Variants in CMSS1 observed in about 807,000 individuals in gnomAD.
CMSS1 encodes protein CMSS1.
In CMSS1, 33 loss-of-function variants were observed where a neutral mutation model predicts 43.5. The ratio of observed to expected loss-of-function variants is 0.76; its 90% CI spans 0.57 to 1.01. The LOEUF is 1.01. Among genes scored for constraint, CMSS1 ranks in the 50% least tolerant of loss-of-function variants. The pLI is 0.00. For synonymous variants in CMSS1, 115 were observed against 117.2 expected (o/e 0.98, Z 0.12); for missense variants, 313 against 326.4 (o/e 0.96, Z 0.32).
chr3:100,005,574 T>A (rs1344067647), intron 1 of CMSS1, among the ~76,000 whole-genome samples: 1 of 152,238 alleles, frequency 6.6e-6, no homozygotes, highest in Non-Finnish European at 1.5e-5. Flanking sequence ...TTTACAAGAA[T>A]AACCTTTTAA....
intron 1 of CMSS1, among the ~76,000 whole-genome samples, chr3:99,944,219 G>T (rs974838627): frequency 2.0e-5 from 3 of 152,208 alleles, no homozygotes; most frequent in African/African-American, 7.2e-5. Context: ...GCCTAACTGA[G>T]ATGGAGATTG....
intron 1 of CMSS1, among the ~76,000 whole-genome samples, chr3:99,860,869 C>T (rs992129235): frequency 6.6e-6 from 1 of 152,136 alleles, no homozygotes; most frequent in African/African-American, 2.4e-5. Flanking sequence ...AATGGATGTT[C>T]ATTTAATACC....
intron 1 of CMSS1, among the ~76,000 whole-genome samples, chr3:99,829,098 T>G (rs1350278583): frequency 6.6e-6 from 1 of 152,168 alleles, no homozygotes; most frequent in African/African-American, 2.4e-5. Flanking sequence ...GGAGTTCCTT[T>G]ACTCTTGCTC....
chr3:99,842,132 A>G (rs962297723), intron 1 of CMSS1, among the ~76,000 whole-genome samples: 5 of 152,214 alleles, frequency 3.3e-5, no homozygotes, highest in Middle Eastern at 3.2e-3. Flanking sequence ...GTATATATAC[A>G]CCATGGAATA....
intron 1 of CMSS1, among the ~76,000 whole-genome samples, chr3:99,871,981 T>C (rs974119655): frequency 6.6e-6 from 1 of 152,154 alleles, no homozygotes; most frequent in Non-Finnish European, 1.5e-5. Context: ...ACTTTGAACC[T>C]TTCTACTTTC....
intron 1 of CMSS1, chr3:99,876,291 G>C: frequency 4.8e-6 from 4 of 825,788 alleles, no homozygotes; most frequent in Non-Finnish European, 5.8e-6. Context: ...ACCCTCGGCC[G>C]CGGCGGCGGC....
intron 1 of CMSS1, among the ~76,000 whole-genome samples, chr3:100,020,511 G>A (rs2064790393): frequency 6.6e-6 from 1 of 152,156 alleles, no homozygotes; most frequent in African/African-American, 2.4e-5. Context: ...CTCAGGTAGG[G>A]CTTGCGAGAC....
intron 1 of CMSS1, among the ~76,000 whole-genome samples, chr3:100,132,201 A>G (rs2066714353): frequency 6.6e-6 from 1 of 150,444 alleles, no homozygotes; most frequent in Admixed American, 6.7e-5. Flanking sequence ...CAGGAGCTCA[A>G]GACCAGCCTG....
At chr3:100,043,994 C>T (rs1247348140) in intron 1 of CMSS1, among the ~76,000 whole-genome samples, 1 of 152,150 alleles carries the variant, frequency 6.6e-6, no homozygotes, top group African/African-American at 2.4e-5. Context: ...CAGTTCCATC[C>T]ACGTTGTTGG....
intron 1 of CMSS1, among the ~76,000 whole-genome samples, chr3:99,821,085 A>G (rs1239386625): frequency 6.6e-6 from 1 of 152,178 alleles, no homozygotes; most frequent in South Asian, 2.1e-4. Flanking sequence ...TGTCTGTCTA[A>G]GGAACTGTAC....
At chr3:99,944,928 C>G (rs1204600473) in intron 1 of CMSS1, among the ~76,000 whole-genome samples, 2 of 152,212 alleles carry the variant, frequency 1.3e-5, no homozygotes, top group Non-Finnish European at 2.9e-5. Flanking sequence ...GATGAAGGCA[C>G]AGAGTGAATT....
At chr3:99,838,801 G>A (rs1014789539) in intron 1 of CMSS1, among the ~76,000 whole-genome samples, 1 of 152,026 alleles carries the variant, frequency 6.6e-6, no homozygotes, top group Non-Finnish European at 1.5e-5. Flanking sequence ...CCACTTTCTA[G>A]GGTTGTTGTA....
At chr3:99,998,156 G>A (rs1168493544) in intron 1 of CMSS1, among the ~76,000 whole-genome samples, 1 of 152,174 alleles carries the variant, frequency 6.6e-6, no homozygotes, top group African/African-American at 2.4e-5. Context: ...AGCAAGATCT[G>A]TTACCATCTG....
chr3:100,076,150 G>A lies in CMSS1; in HGVS notation c.65-70823G>A, dbSNP rs117146686. Among the ~76,000 whole-genome samples the A allele has an allele frequency of 7.0e-4, 106 of 152,216 alleles. 1 individual carries two copies. The East Asian group carries it at 0.018, about 26-fold the overall frequency. On this transcript the variant is annotated intron_variant, in intron 1 of 9. Coordinates refer to ENST00000421999, the MANE Select transcript of CMSS1 (RefSeq NM_032359.4). ...AATATATTTGTTAGTTATCTTGCCCGGAAAACCCTTAAAAATGTAAACAAT... is the reference window on the plus strand; with the variant it reads ...AATATATTTGTTAGTTATCTTGCCCAGAAAACCCTTAAAAATGTAAACAAT...
intron 1 of CMSS1, among the ~76,000 whole-genome samples, chr3:100,059,420 C>A (rs964247124): frequency 5.9e-5 from 9 of 152,186 alleles, no homozygotes; most frequent in African/African-American, 2.2e-4. Flanking sequence ...TCACTGCTTT[C>A]CCCTGCTTCT....
chr3:100,179,732 A>T lies in CMSS1; in HGVS notation c.*1344A>T, dbSNP rs1427836688. ...AGTGTAAGCTGTCAGTGGATCTACCATTCTGGGGTCTGGAGGATGATGGCT... is the reference window on the plus strand; with the variant it reads ...AGTGTAAGCTGTCAGTGGATCTACCTTTCTGGGGTCTGGAGGATGATGGCT... On this transcript the variant is annotated 3_prime_UTR_variant, in exon 10 of 10. Coordinates refer to ENST00000421999, the MANE Select transcript of CMSS1 (RefSeq NM_032359.4). 3 of 152,338 alleles carry T rather than the reference A, an allele frequency of 2.0e-5. No homozygotes were observed. Among genetic ancestry groups the T allele is most frequent in the African/African-American group, 2.4e-5 (1 of 41,442 alleles). 9.4% of individuals were successfully genotyped at this position (152,338 alleles called of 1,614,324 possible).
At position 100,001,185 on chromosome 3, in the gene CMSS1, C is replaced by G. The variant is rs16841872; in HGVS notation, c.65-145788C>G. On this transcript the variant is annotated intron_variant, in intron 1 of 9. Coordinates refer to ENST00000421999, the MANE Select transcript of CMSS1 (RefSeq NM_032359.4). The stretch of plus-strand genomic sequence containing the variant: ...AATTTAGTAGTAGTAGCCATACCCT[C>G]TCACTTTGTCTCAGTTCACCTATTT... Among the ~76,000 whole-genome samples the G allele has an allele frequency of 5.0e-3, 760 of 152,340 alleles. 5 individuals are homozygous for G. Among genetic ancestry groups the G allele is most frequent in the African/African-American group, 0.017 (715 of 41,576 alleles).
chr3:100,121,058 G>A (rs966645411), intron 1 of CMSS1, among the ~76,000 whole-genome samples: 8 of 152,098 alleles, frequency 5.3e-5, no homozygotes, highest in African/African-American at 1.4e-4. Context: ...AACCACTTAC[G>A]TCACAGCTTC....
intron 1 of CMSS1, among the ~76,000 whole-genome samples, chr3:100,042,924 A>G (rs2065228152): frequency 6.6e-6 from 1 of 152,252 alleles, no homozygotes; most frequent in Non-Finnish European, 1.5e-5. Flanking sequence ...ACAAGTCCAC[A>G]TTCATCATGG....
Sources: gnomAD v4.1 joint callset for allele counts (sites outside exome capture counted in the v4.1 genomes callset) on GRCh38, gnomAD v4.1.1 for gene constraint, MANE v1.5 for transcripts, NCBI Gene and HGNC (gene_info 2026-07-23, HGNC 2026-07-21) for gene names.